The following ACOX3 variants were observed in gnomAD, a reference collection of about 807,000 sequenced individuals.
The protein encoded by ACOX3 is peroxisomal acyl-coenzyme A oxidase 3.
ACOX3 carries 73 observed loss-of-function variants against 81.5 expected under a neutral mutation model. The ratio of observed to expected loss-of-function variants is 0.90; its 90% CI spans 0.74 to 1.09. ACOX3 has a LOEUF of 1.09. Among genes scored for constraint, ACOX3 ranks in the 50% least tolerant of loss-of-function variants. ACOX3 has a pLI of 0.00. For synonymous variants in ACOX3, 387 were observed against 375.1 expected, an observed-to-expected ratio of 1.03 and a Z score of -0.37; for missense variants, 947 against 928.0, an observed-to-expected ratio of 1.02 and a Z score of -0.27.
chr4:8,436,679 T>C lies in ACOX3; in HGVS notation c.-15+3969A>G, dbSNP rs916096528. Among the ~76,000 whole-genome samples the C allele has an allele frequency of 4.6e-5, 7 of 152,120 alleles. No individual in the cohort carries two copies. The South Asian group carries it at 6.2e-4, about 14-fold the overall frequency. ...GTTTTATAAGAGACTCTGTAAAGCA[T>C]TCTGGCTTTACATCCTATTTAACCC... On this transcript the variant is annotated intron_variant, in intron 1 of 17. Coordinates refer to ENST00000356406, the MANE Select transcript of ACOX3 (RefSeq NM_003501.3).
In ACOX3 at chr4:8,416,445, GCT is replaced by G. The variant is rs765221592; in HGVS notation, c.75_76del (p.Ala26LysfsTer22). 3.7e-6 allele frequency: 6 copies of G among 1,614,068 alleles called. No individual in the cohort carries two copies. Among genetic ancestry groups the G allele is most frequent in the Non-Finnish European group, 4.2e-6 (5 of 1,180,046 alleles). On this transcript the variant is annotated frameshift_variant, in exon 2 of 18. Transcript: ENST00000356406. LOFTEE classifies it high-confidence loss of function. This position sits in a 1 kb window ranked among gnomAD's most constrained non-coding sequence, Gnocchi z 4.2. ...CTCCTTCCAGCTGAAGGACGCTCTT[GCT>G]CGGTAGGCATCGAGGGGCCCCCTGG... is the stretch of plus-strand genomic sequence containing the variant.
chr4:8,359,116 CTA>C, the ACOX3 span, among the ~76,000 whole-genome samples: 1 of 152,090 alleles, frequency 6.6e-6, no homozygotes, highest in Non-Finnish European at 1.5e-5. The surrounding 1 kb of genome is among the most constrained non-coding windows in gnomAD (Gnocchi z 6.0). Context: ...ACAGAAGTGA[CTA>C]TAGTGTGGAA....
intron 7 of ACOX3, among the ~76,000 whole-genome samples, chr4:8,402,800 T>C (rs894478728): frequency 1.3e-5 from 2 of 152,042 alleles, no homozygotes; most frequent in African/African-American, 4.8e-5. Context: ...GAGGCCTGAG[T>C]GTGGCACAGA....
At chr4:8,367,965 C>T (rs1715677224) in intron 17 of ACOX3, among the ~76,000 whole-genome samples, 2 of 151,162 alleles carry the variant, frequency 1.3e-5, no homozygotes, top group African/African-American at 4.9e-5. Context: ...GCACCCCAGC[C>T]TGGGTGACAG....
chr4:8,380,829 G>T (rs554742449), intron 14 of ACOX3, among the ~76,000 whole-genome samples: 1 of 152,348 alleles, frequency 6.6e-6, no homozygotes, highest in African/African-American at 2.4e-5. Context: ...CCAGCCAAGA[G>T]TGCTCATGGC....
At chr4:8,379,077 A>G (rs750615072) in intron 14 of ACOX3, among the ~76,000 whole-genome samples, 10 of 152,208 alleles carry the variant, frequency 6.6e-5, no homozygotes, top group South Asian at 6.2e-4. Context: ...CGTCGGCGAC[A>G]TGTTACGTGG....
downstream of ACOX3, among the ~76,000 whole-genome samples, chr4:8,364,490 CGT>C (rs1715307825): frequency 1.1e-5 from 1 of 93,866 alleles, no homozygotes; most frequent in African/African-American, 4.5e-5. This position sits in a 1 kb window ranked among gnomAD's most constrained non-coding sequence, Gnocchi z 5.0. Flanking sequence ...CATGAGAACC[CGT>C]CGTGTCTGAC....
At position 8,413,514 on chromosome 4, in the gene ACOX3, T is replaced by C. The variant is rs565212942; in HGVS notation, c.543+778A>G. Among the ~76,000 whole-genome samples the C allele has an allele frequency of 3.4e-5, 3 of 88,564 alleles. No individual in the cohort carries two copies. The South Asian group carries it at 1.4e-3, about 40-fold the overall frequency. 58.1% of individuals were successfully genotyped at this position (88,564 alleles called of 152,430 possible). ...TCTCCCTCCACCCCGCAACCCTCCATGCACCCCTCCATGCACTGACAGCCC... is the reference window on the plus strand; with the variant it reads ...TCTCCCTCCACCCCGCAACCCTCCACGCACCCCTCCATGCACTGACAGCCC... On this transcript the variant is annotated intron_variant, in intron 5 of 17. Transcript: ENST00000356406.
chr4:8,381,436 G>T lies in ACOX3; in HGVS notation c.1653+56C>A. 1 of 1,507,506 alleles carries T rather than the reference G, an allele frequency of 6.6e-7. No individual in the cohort carries two copies. The highest frequency in any genetic ancestry group is 9.2e-7 in the Non-Finnish European group (1 of 1,089,356). 93.4% of individuals were successfully genotyped at this position (1,507,506 alleles called of 1,614,324 possible). A position where few individuals can be genotyped will look rare whatever the true frequency, so the allele number is the denominator to read the frequency against. ...ATGTTCAAACTCCCAGGGACACAACGGCCAGGGAATTAAGAGCAAATAATA... is the reference window on the plus strand; with the variant it reads ...ATGTTCAAACTCCCAGGGACACAACTGCCAGGGAATTAAGAGCAAATAATA... On this transcript the variant is annotated intron_variant, in intron 14 of 17. Coordinates refer to ENST00000356406, the MANE Select transcript of ACOX3 (RefSeq NM_003501.3). This position sits in a 1 kb window ranked among gnomAD's most constrained non-coding sequence, Gnocchi z 4.3.
Position 8,407,144 on chromosome 4 carries a change from G to A in ACOX3, c.688-1101C>T, listed in dbSNP as rs932261317. Among the ~76,000 whole-genome samples, 2 of 152,198 alleles carry A rather than the reference G, an allele frequency of 1.3e-5. No individual in the cohort carries two copies. The highest frequency in any genetic ancestry group is 2.9e-5 in the Non-Finnish European group (2 of 68,034). ...GGCATAACAGAAGGCTCGTACTCTT[G>A]TCTTCTGGTCACTCCTCACTATGTC... On this transcript the variant is annotated intron_variant, in intron 6 of 17. Coordinates refer to ENST00000356406, the MANE Select transcript of ACOX3 (RefSeq NM_003501.3). This position sits in a 1 kb window ranked among gnomAD's most constrained non-coding sequence, Gnocchi z 4.6.
At position 8,368,549 on chromosome 4, in the gene ACOX3, C is replaced by G. The variant is rs1482819179; in HGVS notation, c.1984-1469G>C. Among the ~76,000 whole-genome samples the G allele has an allele frequency of 6.6e-6, 1 of 152,208 alleles. No homozygotes were observed. The highest frequency in any genetic ancestry group is 2.4e-5 in the African/African-American group (1 of 41,444). On this transcript the variant is annotated intron_variant, in intron 17 of 17. Coordinates refer to ENST00000356406, the MANE Select transcript of ACOX3 (RefSeq NM_003501.3). This position sits in a 1 kb window ranked among gnomAD's most constrained non-coding sequence, Gnocchi z 5.9. Reference sequence around the variant, plus strand: ...TCTGCTACTCTGGGCTCCACAGACACAGACCCAGGCTGCTGCTCCACAGGG... The same window carrying G: ...TCTGCTACTCTGGGCTCCACAGACAGAGACCCAGGCTGCTGCTCCACAGGG...
intron 8 of ACOX3, 139 bp from the exon 9 acceptor site, chr4:8,397,258 G>T (rs886133915): frequency 1.3e-4 from 100 of 788,718 alleles, no homozygotes; most frequent in Non-Finnish European, 1.6e-4. Flanking sequence ...TCCCCAGGGC[G>T]CCCAAGACAC....
At chr4:8,412,717 G>T (rs1721860034) in intron 5 of ACOX3, among the ~76,000 whole-genome samples, 1 of 152,082 alleles carries the variant, frequency 6.6e-6, no homozygotes, top group Non-Finnish European at 1.5e-5. Flanking sequence ...TAGGCCTCAG[G>T]GACAAGCGGA....
At chr4:8,365,528 C>T (rs1302968395), downstream of ACOX3, among the ~76,000 whole-genome samples, 1 of 152,238 alleles carries the variant, frequency 6.6e-6, no homozygotes, top group Non-Finnish European at 1.5e-5. Context: ...CCCGCTCGGC[C>T]ACCTCCTGCT....
At chr4:8,422,724 G>A (rs1437124930) in intron 1 of ACOX3, among the ~76,000 whole-genome samples, 2 of 152,244 alleles carry the variant, frequency 1.3e-5, no homozygotes, top group Non-Finnish European at 2.9e-5. Flanking sequence ...AGATTGTATC[G>A]CAGCAGGGGA....
Position 8,382,419 on chromosome 4 carries a change from C to T in ACOX3, c.1538-812G>A, listed in dbSNP as rs1456042448. 1.3e-5 allele frequency among the ~76,000 whole-genome samples: 2 copies of T among 152,206 alleles called. No homozygotes were observed. Among genetic ancestry groups the T allele is most frequent in the African/African-American group, 4.8e-5 (2 of 41,460 alleles). On this transcript the variant is annotated intron_variant, in intron 13 of 17. Coordinates refer to ENST00000356406, the MANE Select transcript of ACOX3 (RefSeq NM_003501.3). This position sits in a 1 kb window ranked among gnomAD's most constrained non-coding sequence, Gnocchi z 4.1. The stretch of plus-strand genomic sequence containing the variant: ...CTACCCCACTGATGAGGACACGGGC[C>T]CAGGGACCCAGGTACATGGCGAGCA...
chr4:8,394,830 G>C lies in ACOX3; in HGVS notation c.1057-88C>G. On this transcript the variant is annotated intron_variant, in intron 9 of 17. Coordinates refer to ENST00000356406, the MANE Select transcript of ACOX3 (RefSeq NM_003501.3). The surrounding 1 kb of genome is among the most constrained non-coding windows in gnomAD (Gnocchi z 5.9). Reference sequence around the variant, plus strand: ...GGGACCATGAAAGCCAGTGCAGGGAGAGGCCGTCAGGGCCACACACCCACT... The same window carrying C: ...GGGACCATGAAAGCCAGTGCAGGGACAGGCCGTCAGGGCCACACACCCACT... 6.6e-6 allele frequency: 10 copies of C among 1,508,228 alleles called. No homozygotes were observed. Among genetic ancestry groups the C allele is most frequent in the Non-Finnish European group, 7.1e-6 (8 of 1,122,546 alleles). 93.4% of individuals were successfully genotyped at this position (1,508,228 alleles called of 1,614,324 possible). A position where few individuals can be genotyped will look rare whatever the true frequency, so the allele number is the denominator to read the frequency against.
chr4:8,427,660 G>A (rs1723631280), intron 1 of ACOX3, among the ~76,000 whole-genome samples: 1 of 152,182 alleles, frequency 6.6e-6, no homozygotes, highest in African/African-American at 2.4e-5. Context: ...ATGGCCCAAG[G>A]TTCCATTCCT....
downstream of ACOX3, among the ~76,000 whole-genome samples, chr4:8,365,566 T>C (rs1226343313): frequency 6.6e-6 from 1 of 152,224 alleles, no homozygotes; most frequent in Non-Finnish European, 1.5e-5. Flanking sequence ...TCCAGCCTAT[T>C]GGGACCAGTC....
Sources: allele counts gnomAD v4.1 joint callset (sites outside exome capture counted in the v4.1 genomes callset), GRCh38; gene constraint gnomAD v4.1.1; non-coding constraint Gnocchi (gnomAD v3.1); transcripts MANE v1.5; gene names NCBI Gene and HGNC (gene_info 2026-07-23, HGNC 2026-07-21).